PDE7B: variants seen among roughly 807,000 people sequenced by gnomAD.
The protein encoded by PDE7B is 3',5'-cyclic-AMP phosphodiesterase 7B.
Under a neutral mutation model 56.2 loss-of-function variants are expected in PDE7B, and 29 were observed. That is an observed-to-expected ratio of 0.52 (90% confidence interval 0.38 to 0.70). PDE7B has a LOEUF of 0.70. Among genes scored for constraint, PDE7B ranks in the 30% least tolerant of loss-of-function variants. The probability of loss-of-function intolerance (pLI) is 0.00; values close to 1 mark genes in which losing one functional copy is unlikely to be tolerated. For synonymous variants in PDE7B, 197 were observed against 196.9 expected (o/e 1.00, Z 0.00); for missense variants, 490 against 565.0 (o/e 0.87, Z 1.35).
chr6:136,129,442 AAG>A (rs1778078910), intron 3 of PDE7B, among the ~76,000 whole-genome samples: 1 of 152,122 alleles, frequency 6.6e-6, no homozygotes, highest in Non-Finnish European at 1.5e-5. Context: ...TGCCCACTAG[AAG>A]GGCAGCTGGA....
rs752826780 is a variant in PDE7B, at chr6:136,155,687, G to A, written c.640G>A (p.Asp214Asn). The change falls in exon 8 of 13, where the codon GAT becomes AAT. Residue 214 changes from aspartate to asparagine, a missense_variant. Physicochemically the swap from Asp to Asn is conservative, Grantham distance 23 (BLOSUM62 1). Transcript: ENST00000308191. ...TGGACTGCTGGCTGCAGCAGCACAC[G>A]ATGTGGACCACCCAGGGGTGAACCA... Reference protein sequence around the residue: ...MLGLLAAAAHDVDHPGVNQPF... With the variant: ...MLGLLAAAAHNVDHPGVNQPF... The A allele has an allele frequency of 6.2e-7, 1 of 1,613,726 alleles. No homozygotes were observed. The highest frequency in any genetic ancestry group is 8.5e-7 in the Non-Finnish European group (1 of 1,179,678).
At chr6:135,933,084 A>C (rs59819181) in intron 1 of PDE7B, among the ~76,000 whole-genome samples, 2,280 of 152,228 alleles carry the variant, frequency 0.015, 66 homozygotes, top group African/African-American at 0.051. Flanking sequence ...GGGTTAGAAT[A>C]AGGTCATTTC....
intron 1 of PDE7B, among the ~76,000 whole-genome samples, chr6:135,919,176 G>A (rs1774016174): frequency 6.6e-6 from 1 of 152,190 alleles, no homozygotes; most frequent in Non-Finnish European, 1.5e-5. Flanking sequence ...AATAGGCAGA[G>A]AGAACAAGCC....
At chr6:135,916,171 A>G (rs1012351004) in intron 1 of PDE7B, among the ~76,000 whole-genome samples, 3 of 152,080 alleles carry the variant, frequency 2.0e-5, no homozygotes, top group Non-Finnish European at 4.4e-5. Context: ...TCCACCCACA[A>G]TGCATAAGAG....
At chr6:136,131,995 G>A (rs961093638) in intron 3 of PDE7B, among the ~76,000 whole-genome samples, 4 of 152,128 alleles carry the variant, frequency 2.6e-5, no homozygotes, top group Admixed American at 1.3e-4. Context: ...GAATGAATAA[G>A]AAATGTCCTC....
intron 11 of PDE7B, 122 bp downstream of exon 11, chr6:136,181,445 TA>T (rs1779065732): frequency 4.4e-6 from 3 of 677,914 alleles, no homozygotes; most frequent in Non-Finnish European, 5.2e-6. Context: ...CTTGTTATCC[TA>T]ACCTTTCTCT....
At chr6:135,988,015 A>G (rs1413783030) in intron 2 of PDE7B, among the ~76,000 whole-genome samples, 2 of 152,192 alleles carry the variant, frequency 1.3e-5, no homozygotes, top group Non-Finnish European at 2.9e-5. Flanking sequence ...AAGGGAGACT[A>G]TGCCCTGTAA....
In PDE7B at chr6:136,042,583, A is replaced by G. The variant is rs900822342; in HGVS notation, c.83-66148A>G. ...AAAGAAACTCATCTTCCCCATAGCC[A>G]TTGTAACGTCTCCTGCCTTTCAAGG... On this transcript the variant is annotated intron_variant, in intron 2 of 12. Coordinates refer to ENST00000308191, the MANE Select transcript of PDE7B (RefSeq NM_018945.4). Among the ~76,000 whole-genome samples, 22 of 152,344 alleles carry G rather than the reference A, an allele frequency of 1.4e-4. 1 individual carries two copies. The highest frequency in any genetic ancestry group is 5.0e-4 in the African/African-American group (21 of 41,592).
In PDE7B at chr6:135,976,481, C is replaced by T. The variant is rs557968434; in HGVS notation, c.82+28957C>T. ...TAATACACCTGTTTACAGGGCAGAGCGGGAGTAAGTAAAACAGACCTCAAA... is the reference window on the plus strand; with the variant it reads ...TAATACACCTGTTTACAGGGCAGAGTGGGAGTAAGTAAAACAGACCTCAAA... On this transcript the variant is annotated intron_variant, in intron 2 of 12. Coordinates refer to ENST00000308191, the MANE Select transcript of PDE7B (RefSeq NM_018945.4). 7.2e-5 allele frequency among the ~76,000 whole-genome samples: 11 copies of T among 152,198 alleles called. No homozygotes were observed. The South Asian group carries it at 1.9e-3, about 26-fold the overall frequency.
At chr6:135,912,576 C>T (rs1776231346) in intron 1 of PDE7B, among the ~76,000 whole-genome samples, 1 of 151,852 alleles carries the variant, frequency 6.6e-6, no homozygotes, top group African/African-American at 2.4e-5. Context: ...AAGAATATAC[C>T]TGAAAGAAGA....
At chr6:135,864,349 C>T (rs1775210927) in intron 1 of PDE7B, among the ~76,000 whole-genome samples, 1 of 151,846 alleles carries the variant, frequency 6.6e-6, no homozygotes, top group Admixed American at 6.6e-5. Flanking sequence ...TCATTCTTTC[C>T]TGCATCTCTA....
intron 8 of PDE7B, chr6:136,165,663 T>C (rs1255766766): frequency 1.3e-5 from 2 of 152,190 alleles, no homozygotes; most frequent in African/African-American, 4.8e-5. Context: ...GGTCAAACCA[T>C]TCCTGCTGCA....
chr6:136,128,122 T>C (rs760888474), intron 3 of PDE7B, among the ~76,000 whole-genome samples: 8 of 152,126 alleles, frequency 5.3e-5, no homozygotes, highest in Non-Finnish European at 1.0e-4. Flanking sequence ...GGTCTTGCTT[T>C]TTACCAAGAG....
In PDE7B at chr6:135,902,029, C is replaced by T. The variant is rs115443323; in HGVS notation, c.22-45435C>T. On this transcript the variant is annotated intron_variant, in intron 1 of 12. Coordinates refer to ENST00000308191, the MANE Select transcript of PDE7B (RefSeq NM_018945.4). ...AAGTCCTTTCAGCTGTAACACCCTA[C>T]GATTCTCTTTTCAAATAGAGAGGAC... Among the ~76,000 whole-genome samples, 938 of 152,204 alleles carry T rather than the reference C, an allele frequency of 6.2e-3. 8 individuals carry two copies. The highest frequency in any genetic ancestry group is 0.019 in the African/African-American group (804 of 41,524).
At chr6:136,083,139 A>G (rs181116778) in intron 2 of PDE7B, among the ~76,000 whole-genome samples, 101 of 152,346 alleles carry the variant, frequency 6.6e-4, no homozygotes, top group African/African-American at 2.4e-3. Context: ...GCTGTCACTT[A>G]GAATTGATAA....
intron 1 of PDE7B, among the ~76,000 whole-genome samples, chr6:135,872,107 C>T (rs1419824031): frequency 1.3e-5 from 2 of 152,128 alleles, no homozygotes; most frequent in African/African-American, 4.8e-5. Flanking sequence ...AGTGAGTTGT[C>T]AAAAATGATC....
chr6:135,892,777 G>T (rs9494410), intron 1 of PDE7B, among the ~76,000 whole-genome samples: 19,005 of 152,150 alleles, frequency 0.12, 1,393 homozygotes, highest in African/African-American at 0.21. Context: ...CATCTTCATA[G>T]GAATTACAAT....
At chr6:136,176,555 C>T (rs1218808554) in intron 9 of PDE7B, among the ~76,000 whole-genome samples, 4 of 152,044 alleles carry the variant, frequency 2.6e-5, no homozygotes. Flanking sequence ...TTTTTTCCCC[C>T]ACGGAATGCT....
At chr6:135,943,639 G>A (rs987771619) in intron 1 of PDE7B, among the ~76,000 whole-genome samples, 7 of 152,334 alleles carry the variant, frequency 4.6e-5, no homozygotes, top group Admixed American at 2.6e-4. Flanking sequence ...ATGCGAGTGT[G>A]AAAAGTAGAG....
Sources: allele counts gnomAD v4.1 joint callset (sites outside exome capture counted in the v4.1 genomes callset), GRCh38; gene constraint gnomAD v4.1.1; transcripts MANE v1.5; gene names NCBI Gene and HGNC (gene_info 2026-07-23, HGNC 2026-07-21).